The following RHOT2 variants were observed in gnomAD, a reference collection of about 807,000 sequenced individuals.
RHOT2 encodes the protein ras homolog family member T2.
A neutral mutation model predicts 81.6 loss-of-function variants in RHOT2; 90 were observed. The ratio of observed to expected loss-of-function variants is 1.10; its 90% confidence interval spans 0.93 to 1.31. RHOT2 has a LOEUF of 1.31. Ranked by LOEUF, RHOT2 falls within the 40% of genes most tolerant of loss-of-function variation. RHOT2 has a pLI of 0.00. For missense variants in RHOT2, 1,014 were observed against 841.9 expected (o/e 1.20, Z -2.53); for synonymous variants, 512 against 370.9 (o/e 1.38, Z -4.37).
chr16:673,032 C>T lies in RHOT2; in HGVS notation c.1632C>T (p.Arg544=), dbSNP rs2039238605. 1 of 1,612,340 alleles carries T rather than the reference C, an allele frequency of 6.2e-7. No homozygotes were observed. Among genetic ancestry groups the T allele is most frequent in the Non-Finnish European group, 8.5e-7 (1 of 1,179,962 alleles). ...GCCCATCACCGGCCGAGTTTTGCCG[C>T]AAGCACCGGCTACCCGCTCCCGTGC... ...VSGPSPAEFC[R]KHRLPAPVPF... is the part of the protein sequence containing the mutation. Residue 544 remains arginine (R), a synonymous_variant, in exon 18 of 19, where the codon CGC becomes CGT. Coordinates refer to ENST00000315082, the MANE Select transcript of RHOT2 (RefSeq NM_138769.3).
chr16:672,409 ACCCCAGGGG>A, intron 15 of RHOT2, 25 bp downstream of exon 15: 1 of 1,607,192 alleles, frequency 6.2e-7, no homozygotes, highest in Non-Finnish European at 8.5e-7. Context: ...CTCCCCCACC[ACCCCAGGGG>A]CTCCAGGGGC....
chr16:672,905 C>T (rs1314699978), intron 17 of RHOT2, 23 bp from the exon 18 acceptor site: 9 of 1,612,740 alleles, frequency 5.6e-6, no homozygotes, highest in Admixed American at 1.7e-5. Context: ...AGGACTGTAC[C>T]TCATACCACT....
intron 4 of RHOT2, chr16:669,074 C>T (rs2038440561): frequency 2.5e-6 from 1 of 395,560 alleles, no homozygotes; most frequent in Non-Finnish European, 4.6e-6. Flanking sequence ...GGGGACATCT[C>T]CAGGCAAGGG....
rs369426387 is a variant in RHOT2 at position 672,916 on chromosome 16, C to T, written c.1528-12C>T. The T allele has an allele frequency of 1.6e-5, 25 of 1,612,686 alleles. No homozygotes were observed. The highest frequency in any genetic ancestry group is 4.5e-5 in the East Asian group (2 of 44,882). ...CCCCAGGACTGTACCTCATACCACT[C>T]TCTGCCCACAGCACCATTACATGGA... On this transcript the variant is annotated splice_polypyrimidine_tract_variant and intron_variant, in intron 17 of 18. Transcript: ENST00000315082.
rs529814620 is a variant in RHOT2, at chr16:670,434, G to C, written c.439-22G>C. On this transcript the variant is annotated intron_variant, in intron 7 of 18. Transcript: ENST00000315082. ...GGTGCCCTCCTCGGGGCACTTCCCT[G>C]AGGCTGTTCCCACTTTCCCAGTGTT... The C allele has an allele frequency of 1.7e-5, 28 of 1,606,444 alleles. No homozygotes were observed. The East Asian group carries it at 6.2e-4, about 36-fold the overall frequency.
chr16:673,650 C>T lies in RHOT2; in HGVS notation c.*44C>T, dbSNP rs142354022. ...CCCCTCCCCTGACCTGGGTGTGCCT[C>T]GCTGCTGGGGCTCTGCAGGGGCAGC... On this transcript the variant is annotated 3_prime_UTR_variant, in exon 19 of 19. Coordinates refer to ENST00000315082, the MANE Select transcript of RHOT2 (RefSeq NM_138769.3). 6.6e-4 allele frequency: 1,044 copies of T among 1,576,486 alleles called. 13 individuals carry two copies. The East Asian group carries it at 0.017, about 26-fold the overall frequency.
rs375209269 is a variant in RHOT2 at position 672,834 on chromosome 16, C to G, written c.1527+9C>G. The G allele has an allele frequency of 7.1e-5, 115 of 1,612,614 alleles. No individual in the cohort carries two copies. The African/African-American group carries it at 1.4e-3, about 20-fold the overall frequency. ...GTGCCAGCGTCTACAAGGTGGGGCC[C>G]TGCAGGGGCCACGTGGCCATGGGGC... On this transcript the variant is annotated intron_variant, in intron 17 of 18. Coordinates refer to ENST00000315082, the MANE Select transcript of RHOT2 (RefSeq NM_138769.3).
rs1413286261 is a variant in RHOT2, at chr16:672,842, G to T, written c.1527+17G>T. On this transcript the variant is annotated intron_variant, in intron 17 of 18. Transcript: ENST00000315082. ...GTCTACAAGGTGGGGCCCTGCAGGG[G>T]CCACGTGGCCATGGGGCAGGGTCTG... 2 of 1,612,410 alleles carry T rather than the reference G, an allele frequency of 1.2e-6. No homozygotes were observed. The highest frequency in any genetic ancestry group is 1.7e-6 in the Non-Finnish European group (2 of 1,179,954).
rs369441990 is a variant in RHOT2 at position 670,791 on chromosome 16, C to T, written c.639+18C>T. ...CTTTCCAGGTGTGCCCCTGCCCCAC[C>T]CTCGGTGCCCAGCCCCCTTGAACCT... On this transcript the variant is annotated intron_variant, in intron 9 of 18. Coordinates refer to ENST00000315082, the MANE Select transcript of RHOT2 (RefSeq NM_138769.3). 156 of 1,610,540 alleles carry T rather than the reference C, an allele frequency of 9.7e-5. No homozygotes were observed. In the Middle Eastern group the frequency reaches 1.3e-3, roughly 14 times the overall value.
rs1416603761 is a variant in RHOT2, at chr16:669,595, A to G, written c.265A>G (p.Thr89Ala). 17 of 1,611,694 alleles carry G rather than the reference A, an allele frequency of 1.1e-5. No individual in the cohort carries two copies. The African/African-American group carries it at 1.7e-4, about 16-fold the overall frequency. Residue 89 changes from threonine to alanine, a missense_variant, in exon 5 of 19, where the codon ACC (threonine) becomes GCC (alanine). Coordinates refer to ENST00000315082, the MANE Select transcript of RHOT2 (RefSeq NM_138769.3). The stretch of plus-strand genomic sequence containing the variant: ...GGTGTATGACGTCTCTGAGGAGGCC[A>G]CCATTGAGAAGGTGAGCCCTCAGTG... The part of the protein sequence containing the change: ...CVVYDVSEEA[T>A]IEKIRTKWIP...
intron 4 of RHOT2, chr16:669,158 C>T (rs926503868): frequency 2.6e-5 from 10 of 390,196 alleles, no homozygotes; most frequent in African/African-American, 1.4e-4. Context: ...CTGTCTGTAG[C>T]GAGGGGGGAG....
rs764404213 is a variant in RHOT2, at chr16:673,521, T to G, written c.1772T>G (p.Leu591Arg). 1.2e-6 allele frequency: 2 copies of G among 1,612,646 alleles called. No homozygotes were observed. The highest frequency in any genetic ancestry group is 1.7e-6 in the Non-Finnish European group (2 of 1,179,914). ...HAELHPSSFWLRGLLGVVGAA... is the reference protein window; with the variant it reads ...HAELHPSSFWRRGLLGVVGAA... ...GAGCTGCATCCCTCTTCCTTCTGGCTCCGGGGGCTGCTGGGGGTTGTCGGG... is the reference window on the plus strand; with the variant it reads ...GAGCTGCATCCCTCTTCCTTCTGGCGCCGGGGGCTGCTGGGGGTTGTCGGG... The change falls in exon 19 of 19, where the codon CTC becomes CGC. Residue 591 changes from leucine to arginine, a missense_variant. Coordinates refer to ENST00000315082, the MANE Select transcript of RHOT2 (RefSeq NM_138769.3).
At chr16:671,810 G>GCCCCGGCCCCCCC in intron 12 of RHOT2, 29 bp downstream of exon 12, 1 of 1,586,232 alleles carries the variant, frequency 6.3e-7, no homozygotes, top group Non-Finnish European at 8.6e-7. Context: ...CCCTGCCCCT[G>GCCCCGGCCCCCCC]CCCCCGCCCC....
chr16:671,336 G>GT, intron 11 of RHOT2, 133 bp downstream of exon 11: 2 of 1,336,106 alleles, frequency 1.5e-6, no homozygotes, highest in Non-Finnish European at 2.0e-6. Context: ...GTCTCGCTCA[G>GT]CAGGCCATCT....
chr16:671,337 C>A, intron 11 of RHOT2, 134 bp downstream of exon 11: 2 of 1,327,396 alleles, frequency 1.5e-6, no homozygotes, highest in Non-Finnish European at 2.0e-6. Flanking sequence ...TCTCGCTCAG[C>A]AGGCCATCTG....
chr16:673,878 CT>C lies in RHOT2; in HGVS notation c.*273del, dbSNP rs1484496593. 1 of 616,014 alleles carries C rather than the reference CT, an allele frequency of 1.6e-6. No individual in the cohort carries two copies. Among genetic ancestry groups the C allele is most frequent in the East Asian group, 3.1e-5 (1 of 32,348 alleles). The allele number at this position is 616,014 out of a possible 1,614,324, so 38.2% of individuals were successfully genotyped here. ...CACCGCTGTCAGGGATTGCCCACCCCTGGGCATCATGTGTGTGGGGCCGGGG... is the reference window on the plus strand; with the variant it reads ...CACCGCTGTCAGGGATTGCCCACCCCGGGCATCATGTGTGTGGGGCCGGGG... On this transcript the variant is annotated 3_prime_UTR_variant, in exon 19 of 19. Transcript: ENST00000315082.
rs1480517715 is a variant in RHOT2 at position 672,082 on chromosome 16, A to G, written c.1098-2A>G. On this transcript the variant is annotated splice_acceptor_variant, in intron 13 of 18. Coordinates refer to ENST00000315082, the MANE Select transcript of RHOT2 (RefSeq NM_138769.3). LOFTEE classifies it high-confidence loss of function. ...CTGTGCCTGCCTCCCGCCCACCCCC[A>G]GCCTGGTGACCTACCTGGACGTCCG... 2.0e-6 allele frequency: 3 copies of G among 1,499,778 alleles called. No homozygotes were observed. Among genetic ancestry groups the G allele is most frequent in the Admixed American group, 1.8e-5 (1 of 54,584 alleles). 92.9% of individuals were successfully genotyped at this position (1,499,778 alleles called of 1,614,324 possible).
intron 4 of RHOT2, 24 bp downstream of exon 4, chr16:668,723 G>C (rs1283717977): frequency 1.3e-6 from 2 of 1,576,546 alleles, no homozygotes; most frequent in Non-Finnish European, 1.7e-6. Flanking sequence ...GCGGGACGAG[G>C]GAGGGGCTGG....
Position 670,474 on chromosome 16 carries a change from A to C in RHOT2, c.457A>C (p.Arg153=). Residue 153 remains arginine, a synonymous_variant, in exon 8 of 19, where the codon AGG becomes CGG. Coordinates refer to ENST00000315082, the MANE Select transcript of RHOT2 (RefSeq NM_138769.3). ...TTCCCAGTGTTCGGCCAAGAACCTGAGGAACATCTCAGAGCTGTTCTACTA... is the reference window on the plus strand; with the variant it reads ...TTCCCAGTGTTCGGCCAAGAACCTGCGGAACATCTCAGAGCTGTTCTACTA... ...TCVECSAKNL[R]NISELFYYAQ... 6.2e-7 allele frequency: 1 copy of C among 1,607,098 alleles called. No individual in the cohort carries two copies. Among genetic ancestry groups the C allele is most frequent in the Admixed American group, 1.7e-5 (1 of 59,498 alleles).
Sources: gnomAD v4.1 joint callset for allele counts on GRCh38, gnomAD v4.1.1 for gene constraint, MANE v1.5 for transcripts, NCBI Gene and HGNC (gene_info 2026-07-23, HGNC 2026-07-21) for gene names.